FSTL4: variants seen among roughly 807,000 people sequenced by gnomAD.
FSTL4 encodes follistatin like 4.
FSTL4 carries 28 observed loss-of-function variants against 78.2 expected under a neutral mutation model. The observed-to-expected ratio is 0.36, with a 90% confidence interval of 0.27 to 0.49. FSTL4 has a LOEUF of 0.49. FSTL4 is among the 20% of genes least tolerant of loss of function. FSTL4 has a pLI of 0.98. For synonymous variants in FSTL4, 422 were observed against 440.5 expected (o/e 0.96, Z 0.53); for missense variants, 922 against 1,084.9 (o/e 0.85, Z 2.11).
intron 11 of FSTL4, among the ~76,000 whole-genome samples, chr5:133,221,210 A>G (rs1751090961): frequency 6.6e-6 from 1 of 152,162 alleles, no homozygotes; most frequent in African/African-American, 2.4e-5. Context: ...ATTGTTTATA[A>G]TATACTAGTC....
chr5:133,407,864 T>C (rs1354842395), intron 3 of FSTL4, among the ~76,000 whole-genome samples: 1 of 152,146 alleles, frequency 6.6e-6, no homozygotes, highest in Non-Finnish European at 1.5e-5. Flanking sequence ...AAAGTGAGCA[T>C]ATGTTAAAGC....
chr5:133,271,791 A>C (rs897648645), intron 6 of FSTL4, among the ~76,000 whole-genome samples: 3 of 152,240 alleles, frequency 2.0e-5, no homozygotes, highest in Non-Finnish European at 2.9e-5. Context: ...TACCTGGGTT[A>C]TCTCTGAGCA....
At chr5:133,369,522 G>A (rs1755246657) in intron 4 of FSTL4, among the ~76,000 whole-genome samples, 1 of 152,184 alleles carries the variant, frequency 6.6e-6, no homozygotes, top group African/African-American at 2.4e-5. Context: ...AAGCCACCTG[G>A]CAGGGGGTTG....
the FSTL4 span, among the ~76,000 whole-genome samples, chr5:133,645,858 C>T: frequency 6.6e-6 from 1 of 152,136 alleles, no homozygotes; most frequent in African/African-American, 2.4e-5. Flanking sequence ...TCCTCTAGAG[C>T]CTTTGGAGGG....
At chr5:133,679,098 C>A in the FSTL4 span, among the ~76,000 whole-genome samples, 1 of 152,126 alleles carries the variant, frequency 6.6e-6, no homozygotes, top group Non-Finnish European at 1.5e-5. Flanking sequence ...CTTCCCTATG[C>A]CCTCTCCCTC....
Position 133,225,973 on chromosome 5 carries a change from C to T in FSTL4, c.1016-154G>A, listed in dbSNP as rs1049846683. 48 of 497,240 alleles carry T rather than the reference C, an allele frequency of 9.7e-5. No homozygotes were observed. Among genetic ancestry groups the T allele is most frequent in the African/African-American group, 3.9e-4 (20 of 51,510 alleles). The allele number at this position is 497,240 out of a possible 1,614,324, so 30.8% of individuals were successfully genotyped here. ...AAATTATAATAATCCTGTCCAGCAA[C>T]GCAAGCTCTAAAAGAAAGGGCTATA... On this transcript the variant is annotated intron_variant, in intron 8 of 15. Coordinates refer to ENST00000265342, the MANE Select transcript of FSTL4 (RefSeq NM_015082.2). This position sits in a 1 kb window ranked among gnomAD's most constrained non-coding sequence, Gnocchi z 4.6.
At chr5:133,472,076 G>C (rs574351151) in intron 3 of FSTL4, among the ~76,000 whole-genome samples, 1 of 152,282 alleles carries the variant, frequency 6.6e-6, no homozygotes, top group Admixed American at 6.5e-5. Context: ...TTACCGTGTG[G>C]AGCAGAGAAC....
At chr5:133,493,093 C>T (rs1382429879) in intron 3 of FSTL4, among the ~76,000 whole-genome samples, 1 of 151,938 alleles carries the variant, frequency 6.6e-6, no homozygotes, top group East Asian at 1.9e-4. Flanking sequence ...TTATAATTCT[C>T]TTCTTTTTAT....
chr5:133,562,653 G>A (rs1032283873), intron 3 of FSTL4, among the ~76,000 whole-genome samples: 4 of 152,154 alleles, frequency 2.6e-5, no homozygotes, highest in African/African-American at 4.8e-5. Context: ...GAACATGTGC[G>A]GGAGCCAGCG....
At chr5:133,298,986 T>C (rs1029198891) in intron 6 of FSTL4, among the ~76,000 whole-genome samples, 2 of 152,220 alleles carry the variant, frequency 1.3e-5, no homozygotes, top group Admixed American at 6.5e-5. Context: ...TGGTAGACAT[T>C]TGAGGTTACA....
chr5:133,283,105 C>T lies in FSTL4; in HGVS notation c.727+29549G>A, dbSNP rs1490010743. 9.2e-5 allele frequency among the ~76,000 whole-genome samples: 14 copies of T among 152,238 alleles called. 1 individual carries two copies. Among genetic ancestry groups the T allele is most frequent in the Admixed American group, 9.2e-4 (14 of 15,288 alleles). On this transcript the variant is annotated intron_variant, in intron 6 of 15. Coordinates refer to ENST00000265342, the MANE Select transcript of FSTL4 (RefSeq NM_015082.2). ...TCTCACCAGGCACAAGGGAAACCTGCTGCTCACCTCTGAGAGCTGCTCATT... is the reference window on the plus strand; with the variant it reads ...TCTCACCAGGCACAAGGGAAACCTGTTGCTCACCTCTGAGAGCTGCTCATT...
In FSTL4 at chr5:133,572,835, T is replaced by C. The variant is rs1266833562; in HGVS notation, c.127-5616A>G. Among the ~76,000 whole-genome samples, 6 of 152,112 alleles carry C rather than the reference T, an allele frequency of 3.9e-5. No homozygotes were observed. The East Asian group carries it at 9.6e-4, about 24-fold the overall frequency. Reference sequence around the variant, plus strand: ...ACCAAAGGAATGAAGTAACCAAAACTGTCTCATCCAAAAGAAGACATGAAA... The same window carrying C: ...ACCAAAGGAATGAAGTAACCAAAACCGTCTCATCCAAAAGAAGACATGAAA... On this transcript the variant is annotated intron_variant, in intron 2 of 15. Coordinates refer to ENST00000265342, the MANE Select transcript of FSTL4 (RefSeq NM_015082.2).
At chr5:133,472,308 G>A (rs1227009847) in intron 3 of FSTL4, among the ~76,000 whole-genome samples, 3 of 152,134 alleles carry the variant, frequency 2.0e-5, no homozygotes, top group African/African-American at 7.2e-5. Context: ...GAACTCCTGT[G>A]CACACTTTCT....
the FSTL4 span, among the ~76,000 whole-genome samples, chr5:133,691,691 C>T: frequency 6.6e-6 from 1 of 151,938 alleles, no homozygotes; most frequent in Non-Finnish European, 1.5e-5. Context: ...GGAGGGTTAC[C>T]TGGCCTCCAC....
intron 2 of FSTL4, among the ~76,000 whole-genome samples, chr5:133,571,165 G>A (rs1760145873): frequency 6.6e-6 from 1 of 151,890 alleles, no homozygotes; most frequent in African/African-American, 2.4e-5. Context: ...TGGTACTAAA[G>A]AGACAAAAAT....
intron 4 of FSTL4, among the ~76,000 whole-genome samples, chr5:133,359,282 G>A (rs1755017189): frequency 1.3e-5 from 2 of 152,160 alleles, no homozygotes; most frequent in African/African-American, 4.8e-5. Context: ...GTCAAAAGGC[G>A]CATAGTAAAC....
upstream of FSTL4, chr5:133,612,586 T>G (rs1196471255): frequency 6.6e-6 from 1 of 151,736 alleles, no homozygotes; most frequent in Non-Finnish European, 1.5e-5. This position sits in a 1 kb window ranked among gnomAD's most constrained non-coding sequence, Gnocchi z 6.2. Flanking sequence ...GGGCCCCGCC[T>G]GCCCAATCGC....
intron 6 of FSTL4, among the ~76,000 whole-genome samples, chr5:133,304,465 G>A (rs1753614027): frequency 6.6e-6 from 1 of 152,032 alleles, no homozygotes; most frequent in Admixed American, 6.5e-5. Context: ...CCCTCCAAGA[G>A]GAGGGTTTAA....
chr5:133,693,564 C>T, the FSTL4 span, among the ~76,000 whole-genome samples: 1 of 152,346 alleles, frequency 6.6e-6, no homozygotes, highest in South Asian at 2.1e-4. Flanking sequence ...TTGGTTGCTG[C>T]AGCCCTGACC....
Sources: gnomAD v4.1 joint callset for allele counts (sites outside exome capture counted in the v4.1 genomes callset) on GRCh38, gnomAD v4.1.1 for gene constraint, Gnocchi (gnomAD v3.1) non-coding constraint, MANE v1.5 for transcripts, NCBI Gene and HGNC (gene_info 2026-07-23, HGNC 2026-07-21) for gene names.